Variants in DMD observed in about 807,000 individuals in gnomAD.
DMD encodes mutant dystrophin.
In DMD, 63 loss-of-function variants were observed where a neutral mutation model predicts 330.1. That is an observed-to-expected ratio of 0.19 (90% CI 0.16 to 0.24). DMD has a LOEUF of 0.24. Ranked by LOEUF, DMD falls within the 10% of genes least tolerant of loss-of-function variation. The pLI, the probability that DMD is intolerant of heterozygous loss-of-function variation, is 1.00. For synonymous variants in DMD, 1,223 were observed against 959.8 expected, an observed-to-expected ratio of 1.27 and a Z score of -5.07; for missense variants, 3,344 against 2,684.1, an observed-to-expected ratio of 1.25 and a Z score of -5.43.
chrX:32,052,059 C>T (rs1284105176), intron 44 of DMD, among the ~76,000 whole-genome samples: 1 of 112,045 alleles, frequency 8.9e-6, no homozygotes, highest in Non-Finnish European at 1.9e-5. Flanking sequence ...GAAATATATG[C>T]TTTTCTGCAA....
chrX:32,429,386 G>GGTTTTTTTTTTTTTTT (rs2098227426), intron 29 of DMD, among the ~76,000 whole-genome samples: 1 of 19,740 alleles, frequency 5.1e-5, no homozygotes, highest in Non-Finnish European at 7.8e-5. Flanking sequence ...CTTTTTTTTG[G>GGTTTTTTTTTTTTTTT]GTTTTTTTTT....
At chrX:31,318,815 C>T (rs2056224688) in intron 62 of DMD, among the ~76,000 whole-genome samples, 1 of 112,030 alleles carries the variant, frequency 8.9e-6, no homozygotes, top group African/African-American at 3.2e-5. Flanking sequence ...TGCATTACTG[C>T]TGATGGAGTC....
chrX:33,208,012 C>G (rs2051684102), intron 1 of DMD, among the ~76,000 whole-genome samples: 2 of 111,523 alleles, frequency 1.8e-5, no homozygotes, highest in Admixed American at 9.6e-5. Flanking sequence ...AAACCATTGC[C>G]TCTCTCTGAA....
At chrX:33,071,784 T>C (rs1232926529) in intron 1 of DMD, among the ~76,000 whole-genome samples, 2 of 111,997 alleles carry the variant, frequency 1.8e-5, no homozygotes, top group Non-Finnish European at 3.8e-5. Flanking sequence ...TTAAATTTTT[T>C]ATGAGATAAA....
chrX:31,519,294 C>T (rs770687277), intron 55 of DMD, among the ~76,000 whole-genome samples: 1 of 111,997 alleles, frequency 8.9e-6, no homozygotes, highest in African/African-American at 3.2e-5. Flanking sequence ...TTTTGTCCTC[C>T]AGAGAATCAC....
chrX:31,573,862 G>A (rs2075953895), intron 55 of DMD, among the ~76,000 whole-genome samples: 2 of 111,022 alleles, frequency 1.8e-5, no homozygotes, highest in African/African-American at 6.5e-5. Context: ...TATTAATAAT[G>A]ATAATAAAAT....
intron 67 of DMD, among the ~76,000 whole-genome samples, chrX:31,190,560 C>T (rs1186661052): frequency 1.8e-4 from 14 of 77,746 alleles, no homozygotes; most frequent in Non-Finnish European, 2.8e-4. Context: ...GTATCTTTTA[C>T]GGGAGACATT....
intron 2 of DMD, among the ~76,000 whole-genome samples, chrX:32,904,737 G>A (rs760582028): frequency 1.4e-4 from 16 of 111,137 alleles, no homozygotes; most frequent in Non-Finnish European, 2.5e-4. Context: ...CCACACGCCC[G>A]GCTAATTTTT....
rs193145399 is a variant in DMD at position 31,381,345 on chromosome X, C to T, written c.9085-32711G>A. On this transcript the variant is annotated intron_variant, in intron 60 of 78. Coordinates refer to ENST00000357033, the MANE Select transcript of DMD (RefSeq NM_004006.3). Reference sequence around the variant, plus strand: ...TGACCTTACTGTTTTGCCTAGCCCTCATGTCTGCGTGCGGCAGCCGCCACC... The same window carrying T: ...TGACCTTACTGTTTTGCCTAGCCCTTATGTCTGCGTGCGGCAGCCGCCACC... 3.8e-3 allele frequency among the ~76,000 whole-genome samples: 422 copies of T among 111,986 alleles called. 5 individuals are homozygous for T. The highest frequency in any genetic ancestry group is 0.013 in the African/African-American group (399 of 30,839).
At chrX:32,870,188 T>C (rs2082838175) in intron 2 of DMD, among the ~76,000 whole-genome samples, 1 of 111,504 alleles carries the variant, frequency 9.0e-6, no homozygotes, top group South Asian at 3.7e-4. Flanking sequence ...CCATTTACAA[T>C]GGCTACAAAG....
At chrX:32,653,719 A>G (rs1490789079) in intron 9 of DMD, among the ~76,000 whole-genome samples, 2 of 111,479 alleles carry the variant, frequency 1.8e-5, no homozygotes, top group Non-Finnish European at 3.8e-5. Context: ...CTTGATGGGG[A>G]TGGCATTGAA....
intron 44 of DMD, among the ~76,000 whole-genome samples, chrX:32,139,333 A>G (rs1205689153): frequency 1.8e-5 from 2 of 112,326 alleles, no homozygotes; most frequent in Non-Finnish European, 1.9e-5. Context: ...ATCAACTGTA[A>G]TTCATCAGGA....
In DMD at chrX:32,489,615, A is replaced by T. The variant is rs914125202; in HGVS notation, c.2622+1662T>A. ...AAAATAAACCTGTGTTGTTTAAGCC[A>T]CCGAGTCTGTGGTATTTATTGTGGC... On this transcript the variant is annotated intron_variant, in intron 20 of 78. Coordinates refer to ENST00000357033, the MANE Select transcript of DMD (RefSeq NM_004006.3). Among the ~76,000 whole-genome samples the T allele has an allele frequency of 2.0e-4, 22 of 111,433 alleles. No homozygotes were observed. The Admixed American group carries it at 2.1e-3, about 11-fold the overall frequency.
At chrX:32,951,138 T>G (rs747219697) in intron 2 of DMD, among the ~76,000 whole-genome samples, 2 of 111,477 alleles carry the variant, frequency 1.8e-5, no homozygotes, top group East Asian at 5.7e-4. Flanking sequence ...TGACAAGCCA[T>G]GGGGTAAAAC....
At chrX:32,813,607 T>C (rs1361573042) in intron 6 of DMD, among the ~76,000 whole-genome samples, 1 of 111,979 alleles carries the variant, frequency 8.9e-6, no homozygotes, top group Non-Finnish European at 1.9e-5. Flanking sequence ...TAATGTTAAT[T>C]ACATTTATAT....
rs1229793716 is a variant in DMD at position 32,787,245 on chromosome X, TGTGA to T, written c.649+22244_649+22247del. Among the ~76,000 whole-genome samples, 360 of 81,349 alleles carry T rather than the reference TGTGA, an allele frequency of 4.4e-3. 1 individual carries two copies. The highest frequency in any genetic ancestry group is 0.014 in the African/African-American group (314 of 22,857). The allele number at this position is 81,349 out of a possible 115,157, so 70.6% of individuals were successfully genotyped here. Reference sequence around the variant, plus strand: ...GTGTGTGTGTGTGTGTGTGTGTGTGTGTGAGAGAGAGAGAGAGAGAGAGAGAGAA... The same window carrying T: ...GTGTGTGTGTGTGTGTGTGTGTGTGTGAGAGAGAGAGAGAGAGAGAGAGAA... On this transcript the variant is annotated intron_variant, in intron 7 of 78. Coordinates refer to ENST00000357033, the MANE Select transcript of DMD (RefSeq NM_004006.3).
In DMD at chrX:31,490,340, A is replaced by C. The variant is rs768130189; in HGVS notation, c.8547+6448T>G. ...CACTTTGGGAGGCTGAGGCGGGTGG[A>C]TCACGAGGTCAGGAGATCGAGACCA... On this transcript the variant is annotated intron_variant, in intron 57 of 78. Transcript: ENST00000357033. 3.6e-5 allele frequency among the ~76,000 whole-genome samples: 4 copies of C among 111,592 alleles called. No homozygotes were observed. In the East Asian group the frequency reaches 1.1e-3, roughly 31 times the overall value.
chrX:33,328,583 A>C (rs1224888467), intron 1 of DMD, among the ~76,000 whole-genome samples: 1 of 111,524 alleles, frequency 9.0e-6, no homozygotes, highest in Admixed American at 9.6e-5. Flanking sequence ...GAGATTAATC[A>C]CGCATCACTC....
intron 1 of DMD, among the ~76,000 whole-genome samples, chrX:33,172,751 T>G (rs2049424886): frequency 8.9e-6 from 1 of 112,032 alleles, no homozygotes; most frequent in Non-Finnish European, 1.9e-5. Flanking sequence ...TAGTCTAACA[T>G]TAACTGTTTC....
Sources: allele counts gnomAD v4.1 joint callset (sites outside exome capture counted in the v4.1 genomes callset), GRCh38; gene constraint gnomAD v4.1.1; transcripts MANE v1.5; gene names NCBI Gene and HGNC (gene_info 2026-07-23, HGNC 2026-07-21).